The following HIVEP2 variants were observed in gnomAD, a reference collection of about 807,000 sequenced individuals.
HIVEP2 encodes the protein HIVEP zinc finger 2.
HIVEP2 carries 14 observed loss-of-function variants against 180.7 expected under a neutral mutation model. The observed-to-expected ratio is 0.08, with a 90% CI of 0.05 to 0.12. The LOEUF is 0.12. HIVEP2 is among the 10% of genes least tolerant of loss of function. The pLI, the probability that HIVEP2 is intolerant of heterozygous loss-of-function variation, is 1.00. For missense variants in HIVEP2, 2,579 were observed against 3,008.5 expected (o/e 0.86, Z 3.34); for synonymous variants, 1,184 against 1,136.4 (o/e 1.04, Z -0.84).
At chr6:142,906,402 A>C (rs1402003671) in intron 1 of HIVEP2, among the ~76,000 whole-genome samples, 1 of 152,040 alleles carries the variant, frequency 6.6e-6, no homozygotes, top group Non-Finnish European at 1.5e-5. Flanking sequence ...AAAATAACTA[A>C]GAAATAAATT....
intron 2 of HIVEP2, among the ~76,000 whole-genome samples, chr6:142,804,634 C>A (rs1776500201): frequency 6.6e-6 from 1 of 151,994 alleles, no homozygotes. Context: ...ACCTAACTAA[C>A]CTTTGCATAA....
At chr6:142,776,434 A>G (rs1449706423) in intron 3 of HIVEP2, among the ~76,000 whole-genome samples, 1 of 152,240 alleles carries the variant, frequency 6.6e-6, no homozygotes, top group Non-Finnish European at 1.5e-5. Flanking sequence ...AATATTTTCT[A>G]AGACATAAGA....
intron 1 of HIVEP2, among the ~76,000 whole-genome samples, chr6:142,929,342 A>C (rs1391108533): frequency 1.3e-5 from 2 of 152,190 alleles, no homozygotes; most frequent in African/African-American, 2.4e-5. Flanking sequence ...TCCTGATTAC[A>C]GGCTAAATAA....
At chr6:142,825,055 G>GT in intron 2 of HIVEP2, among the ~76,000 whole-genome samples, 1 of 152,094 alleles carries the variant, frequency 6.6e-6, no homozygotes, top group Non-Finnish European at 1.5e-5. Flanking sequence ...CTTGTAGCAA[G>GT]TTTTTTTCTT....
rs1289211652 is a variant in HIVEP2 at position 142,793,673 on chromosome 6, T to TTCTTTTTTTTTTCTTTCTTTCTTTCTCTC, written c.-527-10059_-527-10058insGAGAGAAAGAAAGAAAGAAAAAAAAAAGA. The stretch of plus-strand genomic sequence containing the variant: ...CTTTCTTTCTTTTTTCTTTCTTTCT[T>TTCTTTTTTTTTTCTTTCTTTCTTTCTCTC]TCTCTCTCTCTCTCTCTCTCTCTCT... On this transcript the variant is annotated intron_variant, in intron 2 of 9. Coordinates refer to ENST00000367603, the MANE Select transcript of HIVEP2 (RefSeq NM_006734.4). 1.4e-4 allele frequency among the ~76,000 whole-genome samples: 15 copies of TTCTTTTTTTTTTCTTTCTTTCTTTCTCTC among 107,486 alleles called. No homozygotes were observed. In the East Asian group the frequency reaches 1.6e-3, roughly 12 times the overall value. 70.5% of individuals were successfully genotyped at this position (107,486 alleles called of 152,430 possible).
At position 142,771,404 on chromosome 6, in the gene HIVEP2, T is replaced by A; in HGVS notation, c.3335A>T (p.His1112Leu). 6.2e-7 allele frequency: 1 copy of A among 1,613,388 alleles called. No individual in the cohort carries two copies. ...SVKQEQLEHLHAGLRSGWHHG... is the reference protein window; with the variant it reads ...SVKQEQLEHLLAGLRSGWHHG... ...GTGCCACCCGGACCGGAGGCCAGCA[T>A]GCAGGTGCTCCAGCTGCTCTTGCTT... Residue 1112 changes from histidine (H) to leucine (L), a missense_variant, in exon 5 of 10, where the codon CAT (histidine) becomes CTT (leucine). Physicochemically the swap from His to Leu is moderately conservative, Grantham distance 99. Around this residue, in one of 11 missense-constraint regions of HIVEP2, gnomAD observed 523 missense variants for 577.0 expected, o/e 0.91. Transcript: ENST00000367603. The surrounding 1 kb of genome is among the most constrained non-coding windows in gnomAD (Gnocchi z 5.4).
chr6:142,789,778 GAATT>G (rs932693044), intron 2 of HIVEP2, among the ~76,000 whole-genome samples: 1 of 151,966 alleles, frequency 6.6e-6, no homozygotes, highest in Admixed American at 6.6e-5. Flanking sequence ...AAAAAATGAA[GAATT>G]AATAATTTTG....
intron 2 of HIVEP2, among the ~76,000 whole-genome samples, chr6:142,823,748 T>C (rs926372): frequency 0.82 from 125,524 of 152,238 alleles, 52,248 homozygotes; most frequent in Non-Finnish European, 0.86. Context: ...ATGTAACCTG[T>C]ATGAAGCATG....
chr6:142,935,910 A>G (rs1778042948), intron 1 of HIVEP2, among the ~76,000 whole-genome samples: 3 of 152,088 alleles, frequency 2.0e-5, no homozygotes, highest in Non-Finnish European at 4.4e-5. Context: ...TAATTTAACT[A>G]CTTCACTTTG....
At chr6:142,769,523 A>G (rs376829595) in intron 5 of HIVEP2, 29 bp downstream of exon 5, 1 of 1,592,030 alleles carries the variant, frequency 6.3e-7, no homozygotes, top group African/African-American at 1.3e-5. Context: ...TCCACAATAC[A>G]AAGTTCTTCC....
At chr6:142,852,847 G>C (rs562486488) in intron 1 of HIVEP2, among the ~76,000 whole-genome samples, 4 of 152,164 alleles carry the variant, frequency 2.6e-5, no homozygotes, top group Admixed American at 6.5e-5. Flanking sequence ...CTGAGTATTA[G>C]AGTCTTCTGT....
chr6:142,801,292 A>T (rs1469649101), intron 2 of HIVEP2, among the ~76,000 whole-genome samples: 1 of 151,224 alleles, frequency 6.6e-6, no homozygotes, highest in Non-Finnish European at 1.5e-5. Flanking sequence ...AAATGTCAGC[A>T]GACTATAAAA....
chr6:142,793,659 T>TCGTTCTTTCTTTCTTTCTTTC (rs3057479), intron 2 of HIVEP2, among the ~76,000 whole-genome samples: 1 of 106,120 alleles, frequency 9.4e-6, no homozygotes, highest in African/African-American at 3.4e-5. Flanking sequence ...TTTCTTTCTT[T>TCGTTCTTTCTTTCTTTCTTTC]TTTCTTTCTT....
chr6:142,907,400 G>A (rs1254378252), intron 1 of HIVEP2, among the ~76,000 whole-genome samples: 1 of 152,180 alleles, frequency 6.6e-6, no homozygotes, highest in African/African-American at 2.4e-5. Flanking sequence ...GAGAGTCTCA[G>A]CTGTTGTGAA....
At chr6:142,941,366 A>C (rs1235361175) in intron 1 of HIVEP2, among the ~76,000 whole-genome samples, 1 of 152,216 alleles carries the variant, frequency 6.6e-6, no homozygotes, top group Non-Finnish European at 1.5e-5. Context: ...GGCTTACTCA[A>C]CCTCTTTTTC....
At chr6:142,768,624 T>G in intron 5 of HIVEP2, 88 bp from the exon 6 acceptor site, 1 of 1,364,594 alleles carries the variant, frequency 7.3e-7, no homozygotes, top group South Asian at 1.3e-5. Flanking sequence ...TCTCTGAAAA[T>G]GAGCCTAAAT....
chr6:142,798,902 A>C (rs761688730), intron 2 of HIVEP2, among the ~76,000 whole-genome samples: 2 of 152,196 alleles, frequency 1.3e-5, no homozygotes, highest in African/African-American at 4.8e-5. Context: ...GCACTTGTAA[A>C]ATGTCATAAA....
At chr6:142,843,681 C>T (rs1479597583) in intron 1 of HIVEP2, among the ~76,000 whole-genome samples, 1 of 152,192 alleles carries the variant, frequency 6.6e-6, no homozygotes, top group Non-Finnish European at 1.5e-5. Context: ...AAAGGAAACT[C>T]TGGCCTTGTT....
At chr6:142,825,489 A>T (rs574579894) in intron 2 of HIVEP2, among the ~76,000 whole-genome samples, 3 of 152,182 alleles carry the variant, frequency 2.0e-5, no homozygotes, top group Non-Finnish European at 4.4e-5. Flanking sequence ...CTAACCACTC[A>T]CATTGTTGCC....
Sources: gnomAD v4.1 joint callset for allele counts (sites outside exome capture counted in the v4.1 genomes callset) on GRCh38, gnomAD v4.1.1 for gene constraint, gnomAD v4.1.1 regional missense constraint, Gnocchi (gnomAD v3.1) non-coding constraint, MANE v1.5 for transcripts, NCBI Gene and HGNC (gene_info 2026-07-23, HGNC 2026-07-21) for gene names.